CADPS: variants seen among roughly 807,000 people sequenced by gnomAD.
The protein encoded by CADPS is calcium dependent secretion activator, also known as calcium-dependent secretion activator 1.
CADPS carries 57 observed loss-of-function variants against 167.3 expected under a neutral mutation model. The ratio of observed to expected loss-of-function variants is 0.34; its 90% confidence interval spans 0.28 to 0.42. CADPS has a LOEUF of 0.42. CADPS is among the 20% of genes least tolerant of loss of function. The pLI is 1.00. For synonymous variants in CADPS, 676 were observed against 635.3 expected (o/e 1.06, Z -0.96); for missense variants, 1,414 against 1,738.1 (o/e 0.81, Z 3.32).
chr3:62,808,062 A>T (rs2094195613), intron 1 of CADPS, among the ~76,000 whole-genome samples: 2 of 151,780 alleles, frequency 1.3e-5, no homozygotes, highest in African/African-American at 4.8e-5. Context: ...TTTAGTAGAG[A>T]TGGGGTTTCA....
At chr3:62,493,575 A>G in intron 19 of CADPS, 70 bp downstream of exon 19, 1 of 1,201,840 alleles carries the variant, frequency 8.3e-7, no homozygotes, top group Non-Finnish European at 1.2e-6. Context: ...TTAGAGGGAT[A>G]TTCTAACAGC....
intron 13 of CADPS, among the ~76,000 whole-genome samples, chr3:62,518,606 G>A (rs1042738094): frequency 3.9e-5 from 6 of 152,110 alleles, no homozygotes; most frequent in Middle Eastern, 3.2e-3. Context: ...TTGAGAATAC[G>A]ATTCTGATTT....
Position 62,608,941 on chromosome 3 carries a change from A to C in CADPS, c.1326-16193T>G, listed in dbSNP as rs147678678. On this transcript the variant is annotated intron_variant, in intron 6 of 29. Transcript: ENST00000383710. ...TTTGCCCAGGTAAAGTAAGAGAGCA[A>C]ATATTTCTGCCATGCATTTTCTCCT... Among the ~76,000 whole-genome samples the C allele has an allele frequency of 9.0e-4, 137 of 152,298 alleles. 2 individuals carry two copies. In the Middle Eastern group the frequency reaches 0.01, roughly 11 times the overall value.
chr3:62,756,555 A>G (rs1024359316), intron 2 of CADPS, among the ~76,000 whole-genome samples: 1 of 152,200 alleles, frequency 6.6e-6, no homozygotes, highest in East Asian at 1.9e-4. Flanking sequence ...TTTAGCTCTC[A>G]TGGAGTCCAA....
At chr3:62,676,210 A>T (rs2076309333) in intron 3 of CADPS, among the ~76,000 whole-genome samples, 1 of 152,112 alleles carries the variant, frequency 6.6e-6, no homozygotes, top group Non-Finnish European at 1.5e-5. Flanking sequence ...AAGGTAAGAG[A>T]GTGGAAAAAT....
chr3:62,739,521 G>A (rs1414530038), intron 3 of CADPS, among the ~76,000 whole-genome samples: 1 of 152,160 alleles, frequency 6.6e-6, no homozygotes, highest in Non-Finnish European at 1.5e-5. Context: ...AAAGGTAAGG[G>A]CTTTGCCGCT....
At chr3:62,496,894 G>C (rs2064896415) in intron 18 of CADPS, among the ~76,000 whole-genome samples, 1 of 151,980 alleles carries the variant, frequency 6.6e-6, no homozygotes, top group South Asian at 2.1e-4. Context: ...TTTGTGATTG[G>C]GTAAAATTTT....
At chr3:62,688,703 G>A (rs1339519745) in intron 3 of CADPS, among the ~76,000 whole-genome samples, 1 of 151,990 alleles carries the variant, frequency 6.6e-6, no homozygotes. Context: ...AAGTTATAAG[G>A]AAATGTTCAA....
At chr3:62,432,365 C>T (rs1485243207) in intron 28 of CADPS, among the ~76,000 whole-genome samples, 10 of 152,140 alleles carry the variant, frequency 6.6e-5, no homozygotes, top group Non-Finnish European at 2.9e-5. Context: ...CAAGTTTCCT[C>T]CTTCTGTCTG....
chr3:62,493,720 G>C, intron 18 of CADPS, 55 bp from the exon 19 acceptor site: 1 of 1,488,738 alleles, frequency 6.7e-7, no homozygotes, highest in Non-Finnish European at 9.2e-7. Context: ...TGCAAGGTTG[G>C]CTTGGCTGGA....
intron 1 of CADPS, among the ~76,000 whole-genome samples, chr3:62,800,435 A>G (rs1489676237): frequency 6.6e-6 from 1 of 152,152 alleles, no homozygotes; most frequent in Non-Finnish European, 1.5e-5. Flanking sequence ...TGACTTTTAT[A>G]TACAGACTAT....
At chr3:62,763,692 T>G (rs2086130540) in intron 2 of CADPS, among the ~76,000 whole-genome samples, 1 of 152,152 alleles carries the variant, frequency 6.6e-6, no homozygotes, top group Non-Finnish European at 1.5e-5. Flanking sequence ...CCAAGTAAAG[T>G]GTTAACCCTG....
At chr3:62,873,808 G>C (rs2083104812) in intron 1 of CADPS, among the ~76,000 whole-genome samples, 1 of 152,054 alleles carries the variant, frequency 6.6e-6, no homozygotes, top group African/African-American at 2.4e-5. Context: ...CTTGGGAAGA[G>C]GAGAATAGGG....
intron 26 of CADPS, among the ~76,000 whole-genome samples, chr3:62,461,527 C>A (rs1016640678): frequency 6.6e-6 from 1 of 152,172 alleles, no homozygotes; most frequent in African/African-American, 2.4e-5. Flanking sequence ...CAAGTCTCCA[C>A]CCCCAACATT....
At chr3:62,443,441 T>A (rs2149884763) in intron 27 of CADPS, among the ~76,000 whole-genome samples, 1 of 152,300 alleles carries the variant, frequency 6.6e-6, no homozygotes, top group Middle Eastern at 3.4e-3. Context: ...TAATTCAATT[T>A]GTTTCCTCAT....
chr3:62,774,318 G>T (rs116528263), intron 1 of CADPS, among the ~76,000 whole-genome samples: 117 of 151,840 alleles, frequency 7.7e-4, no homozygotes, highest in African/African-American at 2.8e-3. Flanking sequence ...CAACTTGGAG[G>T]CACTCAGTTA....
chr3:62,782,857 T>C (rs2091895775), intron 1 of CADPS, among the ~76,000 whole-genome samples: 1 of 151,760 alleles, frequency 6.6e-6, no homozygotes, highest in South Asian at 2.1e-4. Context: ...CCTCCTGGGT[T>C]CAAACGATTC....
chr3:62,700,569 A>T (rs2081203702), intron 3 of CADPS, among the ~76,000 whole-genome samples: 1 of 152,094 alleles, frequency 6.6e-6, no homozygotes, highest in Non-Finnish European at 1.5e-5. Flanking sequence ...TTGGGGACCT[A>T]ATCTTATGAC....
intron 1 of CADPS, among the ~76,000 whole-genome samples, chr3:62,844,621 G>A (rs1016081911): frequency 6.6e-6 from 1 of 152,112 alleles, no homozygotes; most frequent in Non-Finnish European, 1.5e-5. Flanking sequence ...CGTAGGTATC[G>A]GGGTCTATAG....
Sources: gnomAD v4.1 joint callset for allele counts (sites outside exome capture counted in the v4.1 genomes callset) on GRCh38, gnomAD v4.1.1 for gene constraint, MANE v1.5 for transcripts, NCBI Gene and HGNC (gene_info 2026-07-23, HGNC 2026-07-21) for gene names.